MED23: variants seen among roughly 807,000 people sequenced by gnomAD.
MED23 encodes the protein mediator complex subunit 23, also known as mediator of RNA polymerase II transcription subunit 23.
Under a neutral mutation model 163.9 loss-of-function variants are expected in MED23, and 105 were observed. The ratio of observed to expected loss-of-function variants is 0.64; its 90% CI spans 0.55 to 0.75. MED23 has a LOEUF of 0.75. MED23 is among the 30% of genes least tolerant of loss of function. The probability of loss-of-function intolerance (pLI) is 0.00; values close to 1 mark genes in which losing one functional copy is unlikely to be tolerated. For missense variants in MED23, 1,054 were observed against 1,649.0 expected (o/e 0.64, Z 6.25); for synonymous variants, 561 against 565.6 (o/e 0.99, Z 0.12).
intron 30 of MED23, chr6:131,576,702 A>C (rs1773630440): frequency 6.2e-7 from 1 of 1,614,150 alleles, no homozygotes; most frequent in East Asian, 2.2e-5. Context: ...AGTATTGAGA[A>C]AGGCTGGTCT....
chr6:131,609,152 T>G (rs1776074896), intron 11 of MED23, among the ~76,000 whole-genome samples: 2 of 152,164 alleles, frequency 1.3e-5, no homozygotes, highest in Admixed American at 1.3e-4. Flanking sequence ...TGTCCATCGC[T>G]ACACCACCTT....
intron 13 of MED23, 104 bp downstream of exon 13, chr6:131,606,375 A>G: frequency 8.6e-7 from 1 of 1,157,088 alleles, no homozygotes; most frequent in Non-Finnish European, 1.3e-6. Flanking sequence ...TATAGTGGGT[A>G]TGCGGAGATT....
intron 30 of MED23, among the ~76,000 whole-genome samples, chr6:131,576,405 T>C (rs1351892693): frequency 6.6e-6 from 1 of 152,204 alleles, no homozygotes; most frequent in Non-Finnish European, 1.5e-5. Context: ...AATATGAACA[T>C]AGGCTCTGCC....
chr6:131,589,666 G>T (rs1249639094), intron 27 of MED23, 70 bp from the exon 28 acceptor site: 4 of 1,474,462 alleles, frequency 2.7e-6, no homozygotes, highest in Non-Finnish European at 2.8e-6. Flanking sequence ...ATGCAGCTGG[G>T]CTCCATTACA....
intron 30 of MED23, among the ~76,000 whole-genome samples, chr6:131,580,431 T>C (rs1028596552): frequency 6.6e-6 from 1 of 152,228 alleles, no homozygotes; most frequent in East Asian, 1.9e-4. Flanking sequence ...ATTCTCTGAA[T>C]GATACTTAAA....
intron 7 of MED23, 79 bp downstream of exon 7, chr6:131,620,549 C>T (rs773094859): frequency 5.5e-6 from 5 of 907,810 alleles, no homozygotes; most frequent in African/African-American, 1.7e-5. Flanking sequence ...CATCTTCCCA[C>T]CTTTGCCTCC....
At chr6:131,582,733 T>G, downstream of MED23, 1 of 1,610,268 alleles carries the variant, frequency 6.2e-7, no homozygotes, top group Non-Finnish European at 8.5e-7. Context: ...TATTCCTTGA[T>G]GTGATTTGCC....
At chr6:131,590,471 G>C in intron 26 of MED23, 29 bp from the exon 27 acceptor site, 1 of 1,538,648 alleles carries the variant, frequency 6.5e-7, no homozygotes, top group Non-Finnish European at 9.0e-7. Context: ...AATCTCCTGT[G>C]ACTTGAAATT....
chr6:131,584,024 C>A, downstream of MED23: 1 of 1,217,874 alleles, frequency 8.2e-7, no homozygotes, highest in South Asian at 1.4e-5. Context: ...AATGTTTTTC[C>A]AATTAGTATA....
In MED23 at chr6:131,596,340, A is replaced by G. The variant is rs193196456; in HGVS notation, c.2779-177T>C. 3 of 879,916 alleles carry G rather than the reference A, an allele frequency of 3.4e-6. No homozygotes were observed. In the East Asian group the frequency reaches 7.9e-5, roughly 23 times the overall value. 54.5% of individuals were successfully genotyped at this position (879,916 alleles called of 1,614,324 possible). On this transcript the variant is annotated intron_variant, in intron 21 of 28. Coordinates refer to ENST00000368068, the MANE Select transcript of MED23 (RefSeq NM_004830.4). The stretch of plus-strand genomic sequence containing the variant: ...TTATGTCCACTAAAACTGCAGTTTC[A>G]ATTTATTCTCAACATTATAGAAACT...
chr6:131,604,465 G>A, intron 14 of MED23, 145 bp from the exon 15 acceptor site: 1 of 962,794 alleles, frequency 1.0e-6, no homozygotes, highest in Non-Finnish European at 1.6e-6. Flanking sequence ...AAGCTGTGCA[G>A]GACACTTGGT....
At position 131,605,272 on chromosome 6, in the gene MED23, G is replaced by C. The variant is rs749226415; in HGVS notation, c.1581C>G (p.Leu527=). The change falls in exon 14 of 29, where the codon CTC becomes CTG. Residue 527 remains leucine, a synonymous_variant. Transcript: ENST00000368068. ...TGGCATGAACTGTCAGTGAATCCAG[G>C]AGGTTCATAGGTAAGGGGGTAATAG... ...SGSITPLPMN[L]LDSLTVHAKM... 37 of 1,613,408 alleles carry C rather than the reference G, an allele frequency of 2.3e-5. 1 individual carries two copies. In the Admixed American group the frequency reaches 5.2e-4, roughly 23 times the overall value.
In MED23 at chr6:131,620,703, A is replaced by G. The variant is rs780895183; in HGVS notation, c.522T>C (p.Asn174=). Residue 174 remains asparagine (N), a synonymous_variant, in exon 7 of 29, where the codon AAT becomes AAC. Transcript: ENST00000368068. ...CAAAATAGGCTGGTAATAAGCAGGC[A>G]TTTCTTTCCAAGATATATGCTATAA... The part of the protein sequence containing the change: ...REVIAYILER[N]ACLLPAYFAV... 1.2e-6 allele frequency: 2 copies of G among 1,613,072 alleles called. No individual in the cohort carries two copies. Among genetic ancestry groups the G allele is most frequent in the African/African-American group, 2.7e-5 (2 of 74,900 alleles).
Position 131,605,334 on chromosome 6 carries a change from T to A in MED23, c.1519A>T (p.Ile507Leu). 6.2e-7 allele frequency: 1 copy of A among 1,613,302 alleles called. No homozygotes were observed. Among genetic ancestry groups the A allele is most frequent in the Non-Finnish European group, 8.5e-7 (1 of 1,179,470 alleles). ...ATACAGTTTGTTCCAGGGAGAGGTA[T>A]CCTCATAATTCCATTTCCATAAATA... ...ETIYGNGIMR[I>L]PLPGTNCMAS... The change falls in exon 14 of 29, where the codon ATA (isoleucine) becomes TTA (leucine). Residue 507 changes from isoleucine (I) to leucine (L), a missense_variant. Around this residue, in one of 11 missense-constraint regions of MED23, gnomAD observed 54 missense variants for 89.8 expected, o/e 0.60. Transcript: ENST00000368068.
chr6:131,622,857 T>C (rs1777207685), intron 5 of MED23, among the ~76,000 whole-genome samples: 1 of 152,184 alleles, frequency 6.6e-6, no homozygotes, highest in Admixed American at 6.5e-5. Flanking sequence ...GCAGAATGGC[T>C]TTTGTAGCTA....
chr6:131,622,815 G>T (rs1226652568), intron 5 of MED23, among the ~76,000 whole-genome samples: 1 of 152,146 alleles, frequency 6.6e-6, no homozygotes, highest in African/African-American at 2.4e-5. Flanking sequence ...TAATTCCCGG[G>T]AAAAGGACAA....
At chr6:131,578,717 AATT>A (rs1585409884) in intron 30 of MED23, among the ~76,000 whole-genome samples, 2 of 152,174 alleles carry the variant, frequency 1.3e-5, no homozygotes, top group Admixed American at 6.5e-5. Flanking sequence ...ATATGTATTT[AATT>A]ATTATCAAAA....
intron 10 of MED23, among the ~76,000 whole-genome samples, chr6:131,612,361 A>C (rs936901294): frequency 2.6e-5 from 4 of 152,088 alleles, no homozygotes; most frequent in Non-Finnish European, 4.4e-5. Flanking sequence ...TTTAGTTTTC[A>C]ATTATTTAAA....
chr6:131,584,085 C>A, downstream of MED23: 1 of 733,752 alleles, frequency 1.4e-6, no homozygotes, highest in Non-Finnish European at 2.1e-6. Flanking sequence ...GAAATTCTAA[C>A]TTTTTTGAAA....
Sources: gnomAD v4.1 joint callset for allele counts (sites outside exome capture counted in the v4.1 genomes callset) on GRCh38, gnomAD v4.1.1 for gene constraint, gnomAD v4.1.1 regional missense constraint, MANE v1.5 for transcripts, NCBI Gene and HGNC (gene_info 2026-07-23, HGNC 2026-07-21) for gene names.